RIPOR2: variants seen among roughly 807,000 people sequenced by gnomAD.
RIPOR2 encodes the protein RHO family interacting cell polarization regulator 2.
Under a neutral mutation model 114.5 loss-of-function variants are expected in RIPOR2, and 39 were observed. The ratio of observed to expected loss-of-function variants is 0.34; its 90% CI spans 0.26 to 0.44. The LOEUF is 0.44. Among genes scored for constraint, RIPOR2 ranks in the 20% least tolerant of loss-of-function variants. The pLI is 1.00. For synonymous variants in RIPOR2, 445 were observed against 484.4 expected (o/e 0.92, Z 1.07); for missense variants, 1,007 against 1,255.1 (o/e 0.80, Z 2.99).
At chr6:24,897,113 A>C (rs1490142805) in intron 1 of RIPOR2, among the ~76,000 whole-genome samples, 3 of 152,188 alleles carry the variant, frequency 2.0e-5, no homozygotes, top group Non-Finnish European at 4.4e-5. Flanking sequence ...ACCTCATCCC[A>C]ATACATTGGA....
intron 19 of RIPOR2, among the ~76,000 whole-genome samples, 199 bp from the exon 20 acceptor site, chr6:24,818,824 T>C (rs922412904): frequency 6.6e-6 from 1 of 151,478 alleles, no homozygotes; most frequent in Non-Finnish European, 1.5e-5. Flanking sequence ...TCCCTTATGT[T>C]CTCCTAGATC....
intron 1 of RIPOR2, among the ~76,000 whole-genome samples, chr6:24,920,989 T>C (rs1421281720): frequency 6.6e-6 from 1 of 152,228 alleles, no homozygotes; most frequent in Non-Finnish European, 1.5e-5. Flanking sequence ...TTCCCCCATC[T>C]TTCTTTCCAA....
chr6:24,837,685 T>C, intron 14 of RIPOR2, among the ~76,000 whole-genome samples: 1 of 152,248 alleles, frequency 6.6e-6, no homozygotes, highest in Non-Finnish European at 1.5e-5. Flanking sequence ...GCTGGGATTA[T>C]AGGCATGAGC....
intron 1 of RIPOR2, among the ~76,000 whole-genome samples, chr6:24,993,705 C>T (rs1774930590): frequency 6.6e-6 from 1 of 152,254 alleles, no homozygotes; most frequent in Non-Finnish European, 1.5e-5. Context: ...GACCTGAGGG[C>T]AAGGCCAAAT....
intron 7 of RIPOR2, among the ~76,000 whole-genome samples, chr6:24,862,335 A>G (rs1298752154): frequency 1.3e-5 from 2 of 152,306 alleles, no homozygotes; most frequent in East Asian, 3.9e-4. Context: ...CCACAAGGCT[A>G]GGGGTTCGAG....
chr6:24,836,136 C>T (rs1581532348), intron 14 of RIPOR2: 2 of 429,482 alleles, frequency 4.7e-6, no homozygotes, highest in Non-Finnish European at 4.3e-6. Context: ...GAAGTAGTTT[C>T]ACCCAGAAGT....
At chr6:24,987,588 C>A (rs1774588272) in intron 1 of RIPOR2, among the ~76,000 whole-genome samples, 1 of 152,126 alleles carries the variant, frequency 6.6e-6, no homozygotes, top group African/African-American at 2.4e-5. Context: ...AAGATGGAGT[C>A]CATTAAGATG....
chr6:24,990,944 G>T (rs56772860), intron 1 of RIPOR2, among the ~76,000 whole-genome samples: 4,727 of 152,224 alleles, frequency 0.031, 133 homozygotes, highest in African/African-American at 0.077. Context: ...ATATGCATGC[G>T]CACTCAATGT....
At chr6:25,033,836 TTTAAGA>T (rs932895233) in intron 1 of RIPOR2, among the ~76,000 whole-genome samples, 3 of 152,072 alleles carry the variant, frequency 2.0e-5, no homozygotes, top group Admixed American at 2.0e-4. Flanking sequence ...CTAAACAGAG[TTTAAGA>T]TTTTTTTATT....
chr6:24,962,637 G>GT (rs112858572), intron 1 of RIPOR2, among the ~76,000 whole-genome samples: 9,310 of 99,202 alleles, frequency 0.094, 955 homozygotes, highest in African/African-American at 0.27. Context: ...AAACTTCATG[G>GT]TTTTTTTTTA....
chr6:24,920,866 T>C (rs1423491574), intron 1 of RIPOR2, among the ~76,000 whole-genome samples: 1 of 152,192 alleles, frequency 6.6e-6, no homozygotes. Context: ...CCTGGAATCA[T>C]CCTTGACCAC....
intron 1 of RIPOR2, among the ~76,000 whole-genome samples, chr6:24,930,743 C>T (rs776213026): frequency 6.6e-5 from 10 of 152,112 alleles, no homozygotes; most frequent in South Asian, 2.1e-4. Flanking sequence ...TCCAGGAATT[C>T]GGGGGTGGAA....
chr6:24,985,499 A>G (rs1196526669), intron 1 of RIPOR2, among the ~76,000 whole-genome samples: 2 of 152,128 alleles, frequency 1.3e-5, no homozygotes, highest in Non-Finnish European at 2.9e-5. Context: ...CCCTAACCCA[A>G]GTGGATTATA....
intron 1 of RIPOR2, among the ~76,000 whole-genome samples, chr6:24,928,602 G>A (rs531860008): frequency 1.3e-5 from 2 of 152,310 alleles, no homozygotes; most frequent in African/African-American, 4.8e-5. Context: ...CTGTTGCTGT[G>A]TGAGTGGTAT....
intron 1 of RIPOR2, among the ~76,000 whole-genome samples, chr6:24,975,902 G>C (rs538898388): frequency 6.6e-6 from 1 of 152,120 alleles, no homozygotes; most frequent in East Asian, 1.9e-4. Flanking sequence ...AACTTCTAGA[G>C]ATTGGTTGGT....
chr6:24,898,597 AG>A (rs1403831651), intron 1 of RIPOR2: 2 of 152,238 alleles, frequency 1.3e-5, no homozygotes, highest in Non-Finnish European at 2.9e-5. Flanking sequence ...ATAAGAATGA[AG>A]ATCAATATGC....
intron 1 of RIPOR2, among the ~76,000 whole-genome samples, chr6:24,956,248 T>A (rs1327111954): frequency 6.6e-6 from 1 of 152,190 alleles, no homozygotes; most frequent in Non-Finnish European, 1.5e-5. Context: ...GCACATGCTA[T>A]CTCATAAATC....
At chr6:25,009,115 C>T (rs1775675279) in intron 1 of RIPOR2, among the ~76,000 whole-genome samples, 1 of 152,184 alleles carries the variant, frequency 6.6e-6, no homozygotes, top group Admixed American at 6.5e-5. Context: ...CTGCTCTTGG[C>T]TTCAAAAGCA....
chr6:24,920,932 G>A (rs1005277856), intron 1 of RIPOR2, among the ~76,000 whole-genome samples: 5 of 152,100 alleles, frequency 3.3e-5, no homozygotes, highest in Admixed American at 3.3e-4. Flanking sequence ...GATCCCATGA[G>A]CTCTTCTGGA....
Sources: allele counts gnomAD v4.1 joint callset (sites outside exome capture counted in the v4.1 genomes callset), GRCh38; gene constraint gnomAD v4.1.1; transcripts MANE v1.5; gene names NCBI Gene and HGNC (gene_info 2026-07-23, HGNC 2026-07-21).